Variants in MYO16 observed in about 807,000 individuals in gnomAD.
MYO16 encodes the protein myosin XVI.
Under a neutral mutation model 205.3 loss-of-function variants are expected in MYO16, and 94 were observed. That is an observed-to-expected ratio of 0.46 (90% CI 0.39 to 0.54). MYO16 has a LOEUF of 0.54. MYO16 is among the 20% of genes least tolerant of loss of function. The probability of loss-of-function intolerance (pLI) is 0.00; values close to 1 mark genes in which losing one functional copy is unlikely to be tolerated. For synonymous variants in MYO16, 988 were observed against 954.0 expected (o/e 1.04, Z -0.66); for missense variants, 2,315 against 2,387.5 (o/e 0.97, Z 0.63).
In MYO16 at chr13:109,049,972, G is replaced by GTGTGTGTGTA. The variant is rs796802250; in HGVS notation, c.2873-2323_2873-2322insGTGTATGTGT. Among the ~76,000 whole-genome samples the GTGTGTGTGTA allele has an allele frequency of 1.2e-3, 154 of 131,284 alleles. 2 individuals are homozygous for GTGTGTGTGTA. The highest frequency in any genetic ancestry group is 6.4e-3 in the East Asian group (25 of 3,914). The allele number at this position is 131,284 out of a possible 152,430, so 86.1% of individuals were successfully genotyped here. A position where few individuals can be genotyped will look rare whatever the true frequency, so the allele number is the denominator to read the frequency against. On this transcript the variant is annotated intron_variant, in intron 24 of 34. Coordinates refer to ENST00000457511, the MANE Select transcript of MYO16 (RefSeq NM_001198950.3). The stretch of plus-strand genomic sequence containing the variant: ...TGTGTGTGTGTGTGTGTGTGTGTGT[G>GTGTGTGTGTA]TGTGTTTACTTTCTGAATCATTTGA...
At position 108,970,063 on chromosome 13, in the gene MYO16, A is replaced by C. The variant is rs538316453; in HGVS notation, c.2369+5161A>C. 5.3e-5 allele frequency among the ~76,000 whole-genome samples: 8 copies of C among 152,320 alleles called. No individual in the cohort carries two copies. In the South Asian group the frequency reaches 1.7e-3, roughly 32 times the overall value. On this transcript the variant is annotated intron_variant, in intron 20 of 34. Coordinates refer to ENST00000457511, the MANE Select transcript of MYO16 (RefSeq NM_001198950.3). Reference sequence around the variant, plus strand: ...AGAAAATTGCAAACCTTTGAACCAGATAGCTGGGGGAACACGTTAAAATTA... The same window carrying C: ...AGAAAATTGCAAACCTTTGAACCAGCTAGCTGGGGGAACACGTTAAAATTA...
At chr13:108,566,219 T>G in the MYO16 span, among the ~76,000 whole-genome samples, 9 of 152,158 alleles carry the variant, frequency 5.9e-5, no homozygotes, top group African/African-American at 2.2e-4. Context: ...CATTGGTCTG[T>G]TCAGATAACA....
At chr13:108,507,378 G>C in the MYO16 span, among the ~76,000 whole-genome samples, 1 of 151,906 alleles carries the variant, frequency 6.6e-6, no homozygotes, top group Admixed American at 6.6e-5. Context: ...TTGAAGGGCA[G>C]TTTTGCCACA....
intron 32 of MYO16, among the ~76,000 whole-genome samples, chr13:109,144,489 T>C (rs1456746480): frequency 6.6e-6 from 1 of 152,246 alleles, no homozygotes; most frequent in Non-Finnish European, 1.5e-5. Flanking sequence ...TATATGACTA[T>C]TAAAGTTTAC....
intron 28 of MYO16, among the ~76,000 whole-genome samples, chr13:109,110,941 A>G (rs964332653): frequency 6.6e-6 from 1 of 152,200 alleles, no homozygotes; most frequent in Non-Finnish European, 1.5e-5. Context: ...CTTGGCAAAC[A>G]TTTGATTTAC....
At chr13:108,633,953 C>T (rs1006622001) in intron 1 of MYO16, among the ~76,000 whole-genome samples, 1 of 152,144 alleles carries the variant, frequency 6.6e-6, no homozygotes, top group Admixed American at 6.5e-5. Context: ...TTGCTGAAGC[C>T]ACTTCACTCC....
intron 16 of MYO16, among the ~76,000 whole-genome samples, chr13:108,949,507 G>C (rs1227801945): frequency 1.3e-5 from 2 of 151,716 alleles, no homozygotes. Flanking sequence ...GAATCTGGAG[G>C]CTGAAAATGA....
chr13:108,678,600 T>C (rs552427275), intron 2 of MYO16, among the ~76,000 whole-genome samples: 2 of 152,262 alleles, frequency 1.3e-5, no homozygotes, highest in Non-Finnish European at 2.9e-5. Context: ...GAGGGTACAT[T>C]TTTAGACCTT....
Position 109,133,940 on chromosome 13 carries a change from G to T in MYO16, c.4052-6324G>T, listed in dbSNP as rs547791197. ...ATATTTCCAGTTCTGACCCCCAGAG[G>T]TTCCATTTTAATTGTTATGGAGTAG... is the stretch of plus-strand genomic sequence containing the variant. On this transcript the variant is annotated intron_variant, in intron 31 of 34. Coordinates refer to ENST00000457511, the MANE Select transcript of MYO16 (RefSeq NM_001198950.3). 2.6e-5 allele frequency among the ~76,000 whole-genome samples: 4 copies of T among 152,232 alleles called. No individual in the cohort carries two copies. The East Asian group carries it at 7.7e-4, about 29-fold the overall frequency.
At chr13:108,762,566 A>G (rs939019624) in intron 4 of MYO16, among the ~76,000 whole-genome samples, 1 of 152,104 alleles carries the variant, frequency 6.6e-6, no homozygotes, top group Non-Finnish European at 1.5e-5. Context: ...TTTGACTTGC[A>G]TTTCTCTGAT....
In MYO16 at chr13:109,038,484, A is replaced by G. The variant is rs1001892315; in HGVS notation, c.2797-8432A>G. ...CCCTCTGACTTAGACTGGAATCTAC[A>G]CTATTGGCTCTCTGGCTGTCAGGCT... On this transcript the variant is annotated intron_variant, in intron 23 of 34. Transcript: ENST00000457511. 2.0e-5 allele frequency among the ~76,000 whole-genome samples: 3 copies of G among 152,164 alleles called. No individual in the cohort carries two copies. In the East Asian group the frequency reaches 5.8e-4, roughly 30 times the overall value.
chr13:109,188,147 A>G (rs775632402), intron 34 of MYO16, among the ~76,000 whole-genome samples: 80 of 152,360 alleles, frequency 5.3e-4, no homozygotes, highest in Middle Eastern at 6.8e-3. Flanking sequence ...TGAAATTAAT[A>G]TAGCCACTCC....
intron 4 of MYO16, among the ~76,000 whole-genome samples, chr13:108,752,013 T>C (rs187087836): frequency 1.8e-4 from 27 of 152,314 alleles, no homozygotes; most frequent in Non-Finnish European, 3.7e-4. Flanking sequence ...TTCATGATCA[T>C]GTATCTGTAG....
chr13:108,653,500 G>GT (rs1881104542), intron 1 of MYO16, among the ~76,000 whole-genome samples: 1 of 151,504 alleles, frequency 6.6e-6, no homozygotes, highest in South Asian at 2.1e-4. Context: ...TTTTCCCTGT[G>GT]TTTTTTTCTA....
chr13:109,077,008 T>TTTG (rs35770594), intron 27 of MYO16, among the ~76,000 whole-genome samples: 64,375 of 142,998 alleles, frequency 0.45, 14,387 homozygotes, highest in South Asian at 0.52. Context: ...TTTTTTTTTT[T>TTTG]GGAGATGGAG....
chr13:108,799,861 T>A (rs1886915767), intron 6 of MYO16, among the ~76,000 whole-genome samples: 1 of 152,080 alleles, frequency 6.6e-6, no homozygotes, highest in Non-Finnish European at 1.5e-5. Flanking sequence ...TCCACTGAAG[T>A]TAAGAGGAAG....
At chr13:108,719,494 C>A (rs2139567033) in intron 3 of MYO16, among the ~76,000 whole-genome samples, 1 of 151,984 alleles carries the variant, frequency 6.6e-6, no homozygotes, top group Non-Finnish European at 1.5e-5. Context: ...CACCACGGTC[C>A]CATCTCAGCT....
intron 3 of MYO16, among the ~76,000 whole-genome samples, chr13:108,717,075 C>T (rs1289482036): frequency 6.8e-6 from 1 of 147,228 alleles, no homozygotes; most frequent in Non-Finnish European, 1.5e-5. Context: ...TAACTCTTTA[C>T]AAAAAAAAAA....
At chr13:108,966,291 A>G (rs940204781) in intron 20 of MYO16, among the ~76,000 whole-genome samples, 13 of 152,356 alleles carry the variant, frequency 8.5e-5, no homozygotes, top group African/African-American at 3.1e-4. Context: ...AATCTACCAA[A>G]TTAGCTATGT....
Sources: allele counts gnomAD v4.1 joint callset (sites outside exome capture counted in the v4.1 genomes callset), GRCh38; gene constraint gnomAD v4.1.1; transcripts MANE v1.5; gene names NCBI Gene and HGNC (gene_info 2026-07-23, HGNC 2026-07-21).